KIR2DL4: variants seen among roughly 807,000 people sequenced by gnomAD.
KIR2DL4 encodes the protein killer cell immunoglobulin-like receptor 2DL4.
KIR2DL4 carries 41 observed loss-of-function variants against 31.0 expected under a neutral mutation model. The observed-to-expected ratio is 1.32, with a 90% CI of 1.03 to 1.72. KIR2DL4 has a LOEUF of 1.72. KIR2DL4 is among the 40% of genes most tolerant of loss of function. KIR2DL4 has a pLI of 0.00. For missense variants in KIR2DL4, 438 were observed against 353.7 expected (o/e 1.24, Z -1.91); for synonymous variants, 164 against 133.6 (o/e 1.23, Z -1.57).
rs878977590 is a variant in KIR2DL4, at chr19:54,806,201, C to A, written c.612C>A (p.Tyr204Ter). Residue 204 changes from tyrosine (Y) to a stop codon, truncating the protein, a stop_gained, in exon 4 of 8, where the codon TAC becomes TAA. Coordinates refer to ENST00000359085, the Ensembl canonical transcript of KIR2DL4. LOFTEE classifies it high-confidence loss of function. Reference sequence around the variant, plus strand: ...TCGGCTCTTTCCATGGATCTCCCTACGAGTGGTCAGACCCGAGTGACCCAC... The same window carrying A: ...TCGGCTCTTTCCATGGATCTCCCTAAGAGTGGTCAGACCCGAGTGACCCAC... 2 of 1,610,662 alleles carry A rather than the reference C, an allele frequency of 1.2e-6. No individual in the cohort carries two copies. Among genetic ancestry groups the A allele is most frequent in the African/African-American group, 1.4e-5 (1 of 73,746 alleles).
At position 54,806,069 on chromosome 19, in the gene KIR2DL4, G is replaced by T. The variant is rs374413343; in HGVS notation, c.480G>T (p.Glu160Asp). Reference sequence around the variant, plus strand: ...TTGACATCTACCATCTATCCAGGGAGGGGGAAGCCCATGAACTTAGGCTCC... The same window carrying T: ...TTGACATCTACCATCTATCCAGGGATGGGGAAGCCCATGAACTTAGGCTCC... Residue 160 changes from glutamate (E) to aspartate (D), a missense_variant, in exon 4 of 8, where the codon GAG becomes GAT. Transcript: ENST00000359085. The T allele has an allele frequency of 2.9e-5, 47 of 1,611,618 alleles. 1 individual carries two copies. Among genetic ancestry groups the T allele is most frequent in the African/African-American group, 5.4e-5 (4 of 74,032 alleles).
chr19:54,813,060 G>C (rs2060961476), intron 5 of KIR2DL4: 1 of 1,254,294 alleles, frequency 8.0e-7, no homozygotes, highest in South Asian at 1.3e-5. Flanking sequence ...ACCAAGAAAT[G>C]AGAGACAATC....
intron 5 of KIR2DL4, among the ~76,000 whole-genome samples, chr19:54,809,155 T>C (rs2060707205): frequency 6.6e-6 from 1 of 151,108 alleles, no homozygotes; most frequent in Non-Finnish European, 1.5e-5. Context: ...CTGTGTTTGT[T>C]CTGCCTGCAT....
intron 2 of KIR2DL4, 99 bp from the exon 3 acceptor site, chr19:54,804,694 G>T: frequency 6.1e-6 from 8 of 1,316,948 alleles, no homozygotes; most frequent in Non-Finnish European, 8.4e-6. Context: ...GGTGTGGTAG[G>T]AGCCTTAGAA....
chr19:54,804,902 G>C (rs1443947498), exon 3 of KIR2DL4: 12 of 1,612,118 alleles, frequency 7.4e-6, no homozygotes, highest in Middle Eastern at 1.6e-4. Context: ...TCTTCACGCT[G>C]TACAAGAAAG....
intron 4 of KIR2DL4, among the ~76,000 whole-genome samples, chr19:54,806,496 G>A (rs1411832885): frequency 6.6e-6 from 1 of 151,078 alleles, no homozygotes; most frequent in Admixed American, 6.6e-5. Flanking sequence ...CCCAGAGGAG[G>A]GAGACTGGGC....
exon 8 of KIR2DL4, chr19:54,814,086 C>G: frequency 1.2e-6 from 2 of 1,611,852 alleles, no homozygotes; most frequent in Non-Finnish European, 1.7e-6. Context: ...CTTGCCAGCT[C>G]TAATGTACCA....
At position 54,805,089 on chromosome 19, in the gene KIR2DL4, C is replaced by A. The variant is rs2060431056; in HGVS notation, c.361+12C>A. 2.5e-6 allele frequency: 4 copies of A among 1,583,860 alleles called. No homozygotes were observed. On this transcript the variant is annotated intron_variant, in intron 3 of 7. Coordinates refer to ENST00000359085, the Ensembl canonical transcript of KIR2DL4. Reference sequence around the variant, plus strand: ...GATCATGGTCACAGGTCAGAGGGCTCCTGTCTGGGCTTCTCCTTGTCCCAC... The same window carrying A: ...GATCATGGTCACAGGTCAGAGGGCTACTGTCTGGGCTTCTCCTTGTCCCAC...
At chr19:54,806,217 A>T in exon 4 of KIR2DL4, 1 of 1,610,318 alleles carries the variant, frequency 6.2e-7, no homozygotes, top group Non-Finnish European at 8.5e-7. Context: ...GTCAGACCCG[A>T]GTGACCCACT....
At chr19:54,804,153 G>GAACTAGTAAGAGGAGATC (rs1486629230) in intron 2 of KIR2DL4, among the ~76,000 whole-genome samples, 11 of 106,704 alleles carry the variant, frequency 1.0e-4, no homozygotes, top group East Asian at 3.5e-4. Context: ...ATCCTGGTAT[G>GAACTAGTAAGAGGAGATC]CTCAGCCCTC....
At chr19:54,806,026 G>A in exon 4 of KIR2DL4, 1 of 1,611,330 alleles carries the variant, frequency 6.2e-7, no homozygotes, top group East Asian at 2.2e-5. Flanking sequence ...ACCTTGTCCT[G>A]CAGCTCCCAG....
chr19:54,806,158 G>C (rs1438745638), exon 4 of KIR2DL4: 1 of 1,611,986 alleles, frequency 6.2e-7, no homozygotes, highest in Non-Finnish European at 8.5e-7. Context: ...GCCACCCACG[G>C]AGAGACCTAC....
chr19:54,813,939 A>C, exon 8 of KIR2DL4: 1 of 1,612,420 alleles, frequency 6.2e-7, no homozygotes, highest in Non-Finnish European at 8.5e-7. Flanking sequence ...CAGAGGAGCA[A>C]GAGACCCTCA....
At chr19:54,804,753 A>C (rs1396429927) in intron 2 of KIR2DL4, 40 bp from the exon 3 acceptor site, 1 of 1,592,930 alleles carries the variant, frequency 6.3e-7, no homozygotes, top group African/African-American at 1.4e-5. Flanking sequence ...GGGGCAGCTC[A>C]ACATACTCCT....
At chr19:54,804,223 C>T (rs1252132136) in intron 2 of KIR2DL4, among the ~76,000 whole-genome samples, 1 of 150,798 alleles carries the variant, frequency 6.6e-6, no homozygotes, top group Non-Finnish European at 1.5e-5. Context: ...CTCTGTGTGG[C>T]CCAGGCGGGA....
Position 54,813,663 on chromosome 19 carries a change from T to A in KIR2DL4, c.811-27T>A, listed in dbSNP as rs1416610522. On this transcript the variant is annotated intron_variant, in intron 6 of 7. Transcript: ENST00000359085. ...GAGGACCCAGAAGTGCCCTCCCAGCTGTTTTGATTGCTTCCGTCTCCTACA... is the reference window on the plus strand; with the variant it reads ...GAGGACCCAGAAGTGCCCTCCCAGCAGTTTTGATTGCTTCCGTCTCCTACA... 2,096 of 1,609,518 alleles carry A rather than the reference T, an allele frequency of 1.3e-3. 29 individuals carry two copies. Among genetic ancestry groups the A allele is most frequent in the Non-Finnish European group, 1.0e-3 (1,186 of 1,177,736 alleles).
At chr19:54,803,916 G>C in exon 2 of KIR2DL4, 1 of 1,609,934 alleles carries the variant, frequency 6.2e-7, no homozygotes, top group Non-Finnish European at 8.5e-7. Context: ...AGAGTGTGTG[G>C]GCACACGTGG....
intron 4 of KIR2DL4, among the ~76,000 whole-genome samples, chr19:54,806,923 G>C (rs1181540315): frequency 6.6e-6 from 1 of 150,990 alleles, no homozygotes; most frequent in African/African-American, 2.5e-5. Flanking sequence ...GCTGAGGCGG[G>C]AGAGTGGCTT....
chr19:54,813,865 G>A lies in KIR2DL4; in HGVS notation c.*65G>A, dbSNP rs55937538. On this transcript the variant is annotated 3_prime_UTR_variant, in exon 8 of 8. Transcript: ENST00000359085. The stretch of plus-strand genomic sequence containing the variant: ...AGGACTCTGATGAACAAGACCCTCA[G>A]GAGGTGACATACGCACAGTTGGATC... 216 of 1,612,512 alleles carry A rather than the reference G, an allele frequency of 1.3e-4. 5 individuals are homozygous for A. The East Asian group carries it at 4.5e-3, about 34-fold the overall frequency.
Sources: gnomAD v4.1 joint callset for allele counts (sites outside exome capture counted in the v4.1 genomes callset) on GRCh38, gnomAD v4.1.1 for gene constraint, MANE v1.5 for transcripts, NCBI Gene and HGNC (gene_info 2026-07-23, HGNC 2026-07-21) for gene names.